VEGFD: variants seen among roughly 807,000 people sequenced by gnomAD.
The protein encoded by VEGFD is vascular endothelial growth factor D.
A neutral mutation model predicts 28.0 loss-of-function variants in VEGFD; 26 were observed. That is an observed-to-expected ratio of 0.93 (90% CI 0.68 to 1.29). VEGFD has a LOEUF of 1.29. Ranked by LOEUF, VEGFD falls within the 50% of genes most tolerant of loss-of-function variation. The pLI, the probability that VEGFD is intolerant of heterozygous loss-of-function variation, is 0.00. For missense variants in VEGFD, 294 were observed against 273.4 expected, an observed-to-expected ratio of 1.08 and a Z score of -0.53; for synonymous variants, 93 against 95.5, an observed-to-expected ratio of 0.97 and a Z score of 0.15.
At chrX:15,380,661 T>C (rs1458379693) in intron 1 of VEGFD, among the ~76,000 whole-genome samples, 1 of 113,153 alleles carries the variant, frequency 8.8e-6, no homozygotes, top group Non-Finnish European at 1.9e-5. Context: ...TTCCCCAGCA[T>C]CTTCAGAAGA....
intron 2 of VEGFD, 54 bp from the exon 3 acceptor site, chrX:15,358,247 G>A (rs1020072549): frequency 5.0e-6 from 5 of 991,209 alleles, no homozygotes; most frequent in Non-Finnish European, 6.9e-6. Context: ...GTCCTGGTGT[G>A]CCAACATGTG....
chrX:15,351,610 T>C (rs909542794), intron 5 of VEGFD, among the ~76,000 whole-genome samples: 1 of 112,094 alleles, frequency 8.9e-6, no homozygotes, highest in African/African-American at 3.2e-5. Flanking sequence ...AAACCTGAAC[T>C]AATGAGTTGA....
At chrX:15,381,398 G>A (rs2146991178) in intron 1 of VEGFD, among the ~76,000 whole-genome samples, 1 of 110,914 alleles carries the variant, frequency 9.0e-6, no homozygotes, top group South Asian at 3.8e-4. Context: ...GAGCAAAATT[G>A]GCATCACCAT....
intron 5 of VEGFD, among the ~76,000 whole-genome samples, chrX:15,352,137 G>A (rs1346398184): frequency 5.4e-5 from 6 of 112,046 alleles, no homozygotes; most frequent in African/African-American, 1.9e-4. Context: ...CATGCTCTGG[G>A]CTGAGCTTTC....
At chrX:15,366,083 T>C (rs1177498321) in intron 1 of VEGFD, among the ~76,000 whole-genome samples, 1 of 111,874 alleles carries the variant, frequency 8.9e-6, no homozygotes, top group Non-Finnish European at 1.9e-5. Context: ...CTCGGCTCAC[T>C]GCAAGCTCCA....
chrX:15,369,122 C>T (rs375763975), intron 1 of VEGFD, among the ~76,000 whole-genome samples: 2 of 111,330 alleles, frequency 1.8e-5, no homozygotes, highest in Non-Finnish European at 1.9e-5. Context: ...ATTTAGGTCA[C>T]GGGTGACCAA....
chrX:15,345,772 A>C lies in VEGFD; in HGVS notation c.*361T>G, dbSNP rs1922529623. On this transcript the variant is annotated 3_prime_UTR_variant, in exon 7 of 7. Transcript: ENST00000297904. ...ATAATTCACAAGAGTTGCGATTAGCAAAGGACTCAGAGACTACAGTTTTCC... is the reference window on the plus strand; with the variant it reads ...ATAATTCACAAGAGTTGCGATTAGCCAAGGACTCAGAGACTACAGTTTTCC... The C allele has an allele frequency of 6.1e-6, 1 of 162,842 alleles. No homozygotes were observed. The highest frequency in any genetic ancestry group is 1.2e-5 in the Non-Finnish European group (1 of 85,636). 13.4% of individuals were successfully genotyped at this position (162,842 alleles called of 1,213,427 possible). A position where few individuals can be genotyped will look rare whatever the true frequency, so the allele number is the denominator to read the frequency against.
chrX:15,352,327 T>G (rs999643659), intron 5 of VEGFD, among the ~76,000 whole-genome samples: 6 of 110,639 alleles, frequency 5.4e-5, no homozygotes, highest in South Asian at 3.8e-4. Flanking sequence ...TTTCTTTTTT[T>G]TTTTTGGTGG....
intron 1 of VEGFD, among the ~76,000 whole-genome samples, chrX:15,369,198 C>A (rs761380046): frequency 4.1e-4 from 46 of 111,283 alleles, no homozygotes; most frequent in Non-Finnish European, 7.9e-4. Flanking sequence ...GGAAGTGTCC[C>A]ACGTTGTGAG....
In VEGFD at chrX:15,356,305, A is replaced by C. The variant is rs147822543; in HGVS notation, c.493-1007T>G. Among the ~76,000 whole-genome samples the C allele has an allele frequency of 8.3e-3, 936 of 112,112 alleles. 8 individuals carry two copies. The highest frequency in any genetic ancestry group is 0.029 in the African/African-American group (887 of 30,837). On this transcript the variant is annotated intron_variant, in intron 3 of 6. Transcript: ENST00000297904. ...ATCACCATTCCATGTAGTCCTTACT[A>C]CATAGAGTATTCATTTGTTCACTTT...
intron 1 of VEGFD, among the ~76,000 whole-genome samples, chrX:15,378,888 T>A (rs1453602328): frequency 2.7e-5 from 3 of 111,116 alleles, no homozygotes; most frequent in African/African-American, 9.9e-5. Flanking sequence ...ACACCTTACA[T>A]GATCTTCTCT....
chrX:15,359,362 CTTTT>C (rs1171408211), intron 2 of VEGFD, among the ~76,000 whole-genome samples: 11 of 62,877 alleles, frequency 1.7e-4, no homozygotes, highest in African/African-American at 5.9e-4. Context: ...CACTTGCAGG[CTTTT>C]TTTTTTTTTT....
At position 15,358,191 on chromosome X, in the gene VEGFD, T is replaced by TA. The variant is rs762452209; in HGVS notation, c.303dup (p.Ile102TyrfsTer3). The TA allele has an allele frequency of 8.3e-7, 1 of 1,202,972 alleles. No individual in the cohort carries two copies. The highest frequency in any genetic ancestry group is 1.8e-5 in the South Asian group (1 of 54,968). Reference sequence around the variant, plus strand: ...TGAGTTCTTTGCCATTCTTCATCTATAACTGCAGAGAGAAAGAAAGCTCAC... The same window carrying TA: ...TGAGTTCTTTGCCATTCTTCATCTATAAACTGCAGAGAGAAAGAAAGCTCAC... On this transcript the variant is annotated frameshift_variant and splice_region_variant, in exon 3 of 7. Transcript: ENST00000297904. LOFTEE classifies it high-confidence loss of function.
chrX:15,363,693 T>G (rs1007680731), intron 1 of VEGFD, among the ~76,000 whole-genome samples: 4 of 112,143 alleles, frequency 3.6e-5, no homozygotes, highest in Non-Finnish European at 5.6e-5. Flanking sequence ...TAAAATGAGA[T>G]CCTCCTGGAT....
intron 4 of VEGFD, among the ~76,000 whole-genome samples, chrX:15,354,903 C>T (rs1007910670): frequency 2.9e-4 from 32 of 111,720 alleles, no homozygotes; most frequent in Non-Finnish European, 7.5e-5. Context: ...TAAGAACAAA[C>T]GTGTCTACAA....
At chrX:15,349,014 T>A (rs775015317) in intron 5 of VEGFD, among the ~76,000 whole-genome samples, 1 of 112,107 alleles carries the variant, frequency 8.9e-6, no homozygotes, top group African/African-American at 3.2e-5. Context: ...CGGTTCAACT[T>A]TATAGTTTAA....
chrX:15,376,610 C>A (rs770359340), intron 1 of VEGFD, among the ~76,000 whole-genome samples: 1 of 111,637 alleles, frequency 9.0e-6, no homozygotes, highest in Non-Finnish European at 1.9e-5. Context: ...GCCCAGAATA[C>A]CCTCTTTCAC....
rs370203669 is a variant in VEGFD at position 15,383,819 on chromosome X, A to T, written c.90+38T>A. The T allele has an allele frequency of 1.3e-5, 14 of 1,068,501 alleles. No individual in the cohort carries two copies. In the African/African-American group the frequency reaches 2.2e-4, roughly 17 times the overall value. 88.1% of individuals were successfully genotyped at this position (1,068,501 alleles called of 1,213,427 possible). A position where few individuals can be genotyped will look rare whatever the true frequency, so the allele number is the denominator to read the frequency against. On this transcript the variant is annotated intron_variant, in intron 1 of 6. Coordinates refer to ENST00000297904, the MANE Select transcript of VEGFD (RefSeq NM_004469.5). ...AGAAAGTCCTCTGTATGAGCCAATAAAAAGAACTTCATCACATTAAAAATT... is the reference window on the plus strand; with the variant it reads ...AGAAAGTCCTCTGTATGAGCCAATATAAAGAACTTCATCACATTAAAAATT...
At chrX:15,368,390 TA>T (rs1376384273) in intron 1 of VEGFD, among the ~76,000 whole-genome samples, 41 of 112,570 alleles carry the variant, frequency 3.6e-4, no homozygotes, top group African/African-American at 1.3e-3. Flanking sequence ...CAGAGTTATT[TA>T]AGCTTACTTT....
Sources: allele counts gnomAD v4.1 joint callset (sites outside exome capture counted in the v4.1 genomes callset), GRCh38; gene constraint gnomAD v4.1.1; transcripts MANE v1.5; gene names NCBI Gene and HGNC (gene_info 2026-07-23, HGNC 2026-07-21).